Variants in ZNF630 observed in about 807,000 individuals in gnomAD.
ZNF630 encodes the protein zinc finger protein 630, also known as dJ54B20.2 (novel KRAB box containing C2H2 type zinc finger protein).
ZNF630 carries 5 observed loss-of-function variants against 7.2 expected under a neutral mutation model. The ratio of observed to expected loss-of-function variants is 0.70; its 90% CI spans 0.36 to 1.46. The LOEUF (loss-of-function observed/expected upper bound fraction) is 1.46. Ranked by LOEUF, ZNF630 falls within the 40% of genes most tolerant of loss-of-function variation. The probability of loss-of-function intolerance (pLI) is 0.03; values close to 1 mark genes in which losing one functional copy is unlikely to be tolerated. For synonymous variants in ZNF630, 158 were observed against 162.8 expected, an observed-to-expected ratio of 0.97 and a Z score of 0.23; for missense variants, 461 against 477.0, an observed-to-expected ratio of 0.97 and a Z score of 0.31.
At position 48,058,344 on chromosome X, in the gene ZNF630, T is replaced by C; in HGVS notation, c.*124A>G. On this transcript the variant is annotated 3_prime_UTR_variant, in exon 5 of 5. Transcript: ENST00000276054. The stretch of plus-strand genomic sequence containing the variant: ...CTAAGCAGATCATTCTGTGGAAGGG[T>C]AATCATGTATACTGAGGAACATATT... The C allele has an allele frequency of 1.5e-6, 1 of 645,851 alleles. No individual in the cohort carries two copies. The highest frequency in any genetic ancestry group is 2.2e-6 in the Non-Finnish European group (1 of 450,972). 53.2% of individuals were successfully genotyped at this position (645,851 alleles called of 1,213,427 possible). A position where few individuals can be genotyped will look rare whatever the true frequency, so the allele number is the denominator to read the frequency against.
chrX:48,068,315 A>G (rs1035347081), intron 1 of ZNF630, among the ~76,000 whole-genome samples: 1 of 110,683 alleles, frequency 9.0e-6, no homozygotes, highest in Non-Finnish European at 1.9e-5. Flanking sequence ...GAGGAAGGGC[A>G]TTCCGGGAGG....
At chrX:48,069,862 T>TTTG (rs2059152147) in intron 1 of ZNF630, among the ~76,000 whole-genome samples, 1 of 103,724 alleles carries the variant, frequency 9.6e-6, no homozygotes, top group African/African-American at 3.5e-5. Flanking sequence ...TTTTGTTTTT[T>TTTG]GTTTTTTGTT....
intron 2 of ZNF630, among the ~76,000 whole-genome samples, chrX:48,065,660 G>C (rs183265755): frequency 0.013 from 1,415 of 106,031 alleles, 26 homozygotes; most frequent in African/African-American, 0.048. Flanking sequence ...TCCAGCCTGG[G>C]CGACAAGAGT....
At position 48,066,684 on chromosome X, in the gene ZNF630, A is replaced by G. The variant is rs150374756; in HGVS notation, c.15+188T>C. ...CCCTTTTCACTGAAGCTGCCAGTCAAAATGTTTTGCTTATAGTCAAAATTT... is the reference window on the plus strand; with the variant it reads ...CCCTTTTCACTGAAGCTGCCAGTCAGAATGTTTTGCTTATAGTCAAAATTT... On this transcript the variant is annotated intron_variant, in intron 2 of 4. Transcript: ENST00000276054. 2,275 of 458,732 alleles carry G rather than the reference A, an allele frequency of 5.0e-3. 62 individuals are homozygous for G. The African/African-American group carries it at 0.05, about 10-fold the overall frequency. The allele number at this position is 458,732 out of a possible 1,213,427, so 37.8% of individuals were successfully genotyped here. A position where few individuals can be genotyped will look rare whatever the true frequency, so the allele number is the denominator to read the frequency against.
At position 48,058,354 on chromosome X, in the gene ZNF630, T is replaced by C. The variant is rs2059079304; in HGVS notation, c.*114A>G. ...CATTCTGTGGAAGGGTAATCATGTA[T>C]ACTGAGGAACATATTAGTCTATTCT... On this transcript the variant is annotated 3_prime_UTR_variant, in exon 5 of 5. Transcript: ENST00000276054. 1.4e-6 allele frequency: 1 copy of C among 730,030 alleles called. No individual in the cohort carries two copies. Among genetic ancestry groups the C allele is most frequent in the Non-Finnish European group, 1.9e-6 (1 of 518,524 alleles). 60.2% of individuals were successfully genotyped at this position (730,030 alleles called of 1,213,427 possible).
rs138107882 is a variant in ZNF630 at position 48,066,965 on chromosome X, C to T, written c.-79G>A. 2.9e-3 allele frequency: 2,935 copies of T among 1,014,765 alleles called. 52 individuals are homozygous for T. In the African/African-American group the frequency reaches 0.052, roughly 18 times the overall value. 83.6% of individuals were successfully genotyped at this position (1,014,765 alleles called of 1,213,427 possible). Reference sequence around the variant, plus strand: ...TTCGGAGATCAAGCTGAGTTAACCACTCTTCAACAGCTGGATGTGACAATG... The same window carrying T: ...TTCGGAGATCAAGCTGAGTTAACCATTCTTCAACAGCTGGATGTGACAATG... On this transcript the variant is annotated 5_prime_UTR_variant, in exon 2 of 5. In the 5' UTR this introduces an upstream ATG that the reference lacks. Transcript: ENST00000276054.
chrX:48,070,301 G>A (rs2059154109), intron 1 of ZNF630, among the ~76,000 whole-genome samples: 1 of 109,368 alleles, frequency 9.1e-6, no homozygotes, highest in Admixed American at 9.8e-5. Flanking sequence ...CTAAAGGAGT[G>A]GTATCAGAAT....
chrX:48,063,893 A>AT (rs1489989901), intron 2 of ZNF630, among the ~76,000 whole-genome samples: 2 of 110,617 alleles, frequency 1.8e-5, no homozygotes, highest in East Asian at 2.8e-4. Context: ...GTCTCAAAAA[A>AT]ATATATATAT....
In ZNF630 at chrX:48,057,585, C is replaced by G. The variant is rs2059076055; in HGVS notation, c.*883G>C. The stretch of plus-strand genomic sequence containing the variant: ...ATTGAGGGAAAAAATCACAAATACA[C>G]TCTATGAGAACTATGTTGGAGAAAT... On this transcript the variant is annotated 3_prime_UTR_variant, in exon 5 of 5. Coordinates refer to ENST00000276054, the MANE Select transcript of ZNF630 (RefSeq NM_001282201.2). Among the ~76,000 whole-genome samples, 1 of 110,958 alleles carries G rather than the reference C, an allele frequency of 9.0e-6. No individual in the cohort carries two copies. Among genetic ancestry groups the G allele is most frequent in the Non-Finnish European group, 1.9e-5 (1 of 53,015 alleles).
At chrX:48,067,951 C>T (rs1266236884) in intron 1 of ZNF630, among the ~76,000 whole-genome samples, 4 of 109,909 alleles carry the variant, frequency 3.6e-5, no homozygotes, top group Non-Finnish European at 7.6e-5. Flanking sequence ...TTCCCAGCTA[C>T]TAGGGAGACT....
chrX:48,060,581 C>A, intron 3 of ZNF630, 36 bp from the exon 4 acceptor site: 5 of 1,137,158 alleles, frequency 4.4e-6, no homozygotes, highest in Non-Finnish European at 5.9e-6. Flanking sequence ...TTGGCCTTGG[C>A]AGCTCAGAAA....
At position 48,058,335 on chromosome X, in the gene ZNF630, G is replaced by T; in HGVS notation, c.*133C>A. 1 of 616,310 alleles carries T rather than the reference G, an allele frequency of 1.6e-6. No individual in the cohort carries two copies. The highest frequency in any genetic ancestry group is 2.3e-6 in the Non-Finnish European group (1 of 426,970). 50.8% of individuals were successfully genotyped at this position (616,310 alleles called of 1,213,427 possible). Reference sequence around the variant, plus strand: ...TCTGAGGGCCTAAGCAGATCATTCTGTGGAAGGGTAATCATGTATACTGAG... The same window carrying T: ...TCTGAGGGCCTAAGCAGATCATTCTTTGGAAGGGTAATCATGTATACTGAG... On this transcript the variant is annotated 3_prime_UTR_variant, in exon 5 of 5. Coordinates refer to ENST00000276054, the MANE Select transcript of ZNF630 (RefSeq NM_001282201.2).
At chrX:48,069,841 GTTT>G (rs1210374790) in intron 1 of ZNF630, among the ~76,000 whole-genome samples, 5,236 of 41,093 alleles carry the variant, frequency 0.13, 160 homozygotes, top group Middle Eastern at 0.2. Flanking sequence ...GACATTGTCT[GTTT>G]TTTTTTTTTT....
intron 1 of ZNF630, among the ~76,000 whole-genome samples, chrX:48,069,841 G>GTTTTTTTTTTTTTTTTTTTTTTTT (rs1210374790): frequency 2.4e-4 from 10 of 41,132 alleles, no homozygotes; most frequent in Non-Finnish European, 3.3e-4. Context: ...GACATTGTCT[G>GTTTTTTTTTTTTTTTTTTTTTTTT]TTTTTTTTTT....
At position 48,067,014 on chromosome X, in the gene ZNF630, A is replaced by C. The variant is rs1440587165; in HGVS notation, c.-128T>G. ...TGTGTTGCTTGTTAATTCATTGATG[A>C]CTTGTGTTTCTCATCTGACTCGGTA... On this transcript the variant is annotated 5_prime_UTR_variant, in exon 2 of 5. Coordinates refer to ENST00000276054, the MANE Select transcript of ZNF630 (RefSeq NM_001282201.2). 2.5e-5 allele frequency: 19 copies of C among 764,609 alleles called. No homozygotes were observed. The highest frequency in any genetic ancestry group is 3.5e-5 in the Non-Finnish European group (18 of 515,171). The allele number at this position is 764,609 out of a possible 1,213,427, so 63.0% of individuals were successfully genotyped here. A position where few individuals can be genotyped will look rare whatever the true frequency, so the allele number is the denominator to read the frequency against.
At chrX:48,062,195 T>C (rs1556909286) in intron 2 of ZNF630, among the ~76,000 whole-genome samples, 1 of 111,762 alleles carries the variant, frequency 8.9e-6, no homozygotes, top group African/African-American at 3.3e-5. Context: ...ATGGTATATT[T>C]TGAAGGCAAT....
Position 48,058,870 on chromosome X carries a change from G to A in ZNF630, c.1572C>T (p.Phe524=), listed in dbSNP as rs1256824737. 2.5e-6 allele frequency: 3 copies of A among 1,206,092 alleles called. No homozygotes were observed. In the African/African-American group the frequency reaches 5.3e-5, roughly 21 times the overall value. The change falls in exon 5 of 5, where the codon TTC becomes TTT. Residue 524 remains phenylalanine (F), a synonymous_variant. Coordinates refer to ENST00000276054, the MANE Select transcript of ZNF630 (RefSeq NM_001282201.2). ...GAATAATGAGGAGTGATTTCTGGGAGAAGGTTTTGCCACATTCACCACACT... is the reference window on the plus strand; with the variant it reads ...GAATAATGAGGAGTGATTTCTGGGAAAAGGTTTTGCCACATTCACCACACT... ...PYQCGECGKT[F]SQKSLLIIHL...
Position 48,060,043 on chromosome X carries a change from G to A in ZNF630, c.399C>T (p.Asp133=). 8 of 1,206,569 alleles carry A rather than the reference G, an allele frequency of 6.6e-6. No individual in the cohort carries two copies. Among genetic ancestry groups the A allele is most frequent in the Non-Finnish European group, 9.0e-6 (8 of 892,289 alleles). ...NQMDRYQGNQ[D]RVLRQVTVIS... is the part of the protein sequence containing the mutation. ...TGACTGTGACCTGCCTCAAAACTCT[G>A]TCTTGATTTCCTTGATATCTATCCA... is the stretch of plus-strand genomic sequence containing the variant. The change falls in exon 5 of 5, where the codon GAC becomes GAT. Residue 133 remains aspartate, a synonymous_variant. Transcript: ENST00000276054.
chrX:48,059,902 T>C lies in ZNF630; in HGVS notation c.540A>G (p.Ser180=), dbSNP rs782235583. The C allele has an allele frequency of 3.3e-6, 4 of 1,206,157 alleles. No homozygotes were observed. Among genetic ancestry groups the C allele is most frequent in the Non-Finnish European group, 4.5e-6 (4 of 892,918 alleles). ...AATTAGACTTCAAGCTATTTTCACATGAATCAAACTTATGGAATTTTTGAC... is the reference window on the plus strand; with the variant it reads ...AATTAGACTTCAAGCTATTTTCACACGAATCAAACTTATGGAATTTTTGAC... ...PLSQKFHKFD[S]CENSLKSNSD... The change falls in exon 5 of 5, where the codon TCA becomes TCG. Residue 180 remains serine, a synonymous_variant. Transcript: ENST00000276054.
Sources: allele counts gnomAD v4.1 joint callset (sites outside exome capture counted in the v4.1 genomes callset), GRCh38; gene constraint gnomAD v4.1.1; transcripts MANE v1.5; gene names NCBI Gene and HGNC (gene_info 2026-07-23, HGNC 2026-07-21).